Variants in ASAP2 observed in about 807,000 individuals in gnomAD.
The protein encoded by ASAP2 is ArfGAP with SH3 domain, ankyrin repeat and PH domain 2.
In ASAP2, 45 loss-of-function variants were observed where a neutral mutation model predicts 131.4. The ratio of observed to expected loss-of-function variants is 0.34; its 90% confidence interval spans 0.27 to 0.44. The LOEUF (loss-of-function observed/expected upper bound fraction) is 0.44. Ranked by LOEUF, ASAP2 falls within the 20% of genes least tolerant of loss-of-function variation. The probability of loss-of-function intolerance (pLI) is 1.00; values close to 1 mark genes in which losing one functional copy is unlikely to be tolerated. For synonymous variants in ASAP2, 510 were observed against 503.0 expected, an observed-to-expected ratio of 1.01 and a Z score of -0.19; for missense variants, 1,011 against 1,297.0, an observed-to-expected ratio of 0.78 and a Z score of 3.39.
chr2:9,208,044 G>T (rs1036653131), intron 1 of ASAP2, among the ~76,000 whole-genome samples: 4 of 152,356 alleles, frequency 2.6e-5, no homozygotes, highest in African/African-American at 9.6e-5. Context: ...AAGCCGTGGG[G>T]AAAGGGGCAG....
At chr2:9,212,599 A>G (rs1462692887) in intron 1 of ASAP2, among the ~76,000 whole-genome samples, 1 of 152,112 alleles carries the variant, frequency 6.6e-6, no homozygotes, top group East Asian at 1.9e-4. Flanking sequence ...GTGATCCTCA[A>G]TTCTTCCCAT....
At chr2:9,248,463 G>A (rs899158626) in intron 1 of ASAP2, among the ~76,000 whole-genome samples, 3 of 151,800 alleles carry the variant, frequency 2.0e-5, no homozygotes, top group Admixed American at 6.6e-5. Flanking sequence ...GATAGAACAC[G>A]GGCTTTGGAG....
At chr2:9,240,352 C>T (rs1026992680) in intron 1 of ASAP2, among the ~76,000 whole-genome samples, 1 of 151,522 alleles carries the variant, frequency 6.6e-6, no homozygotes, top group Non-Finnish European at 1.5e-5. Flanking sequence ...TTCCTGGGCC[C>T]AGGTGATCCT....
intron 1 of ASAP2, among the ~76,000 whole-genome samples, chr2:9,264,169 G>C (rs373171418): frequency 6.8e-6 from 1 of 147,212 alleles, no homozygotes; most frequent in East Asian, 1.9e-4. Context: ...TCCACCCTGG[G>C]CAGTGAGTGA....
chr2:9,208,057 T>C (rs74478195), intron 1 of ASAP2, among the ~76,000 whole-genome samples: 98 of 152,050 alleles, frequency 6.4e-4, no homozygotes, highest in African/African-American at 2.3e-3. Context: ...AGGGGCAGAG[T>C]CTGTGAGTCC....
chr2:9,304,738 G>T (rs551513969), intron 3 of ASAP2, among the ~76,000 whole-genome samples: 41 of 129,774 alleles, frequency 3.2e-4, no homozygotes, highest in Non-Finnish European at 5.4e-4. Flanking sequence ...TGGGGTATAG[G>T]TATTGGTGGA....
In ASAP2 at chr2:9,405,186, T is replaced by C. The variant is rs1677111871; in HGVS notation, c.*1859T>C. On this transcript the variant is annotated 3_prime_UTR_variant, in exon 28 of 28. Coordinates refer to ENST00000281419, the MANE Select transcript of ASAP2 (RefSeq NM_003887.3). ...TTTCCAGTCTACAATTTGGTGCTAT[T>C]GTGCAGTAACTAATAGTACTCTTAC... is the stretch of plus-strand genomic sequence containing the variant. The C allele has an allele frequency of 6.6e-6, 1 of 152,250 alleles. No individual in the cohort carries two copies. The highest frequency in any genetic ancestry group is 2.1e-4 in the South Asian group (1 of 4,834). The allele number at this position is 152,250 out of a possible 1,614,324, so 9.4% of individuals were successfully genotyped here. A position where few individuals can be genotyped will look rare whatever the true frequency, so the allele number is the denominator to read the frequency against.
rs1336017163 is a variant in ASAP2, at chr2:9,400,841, A to G, written c.2823+11A>G. ...AGGAAGTCGCAGGCAGTAAGTGACG[A>G]GCCCCCTTTCCTGCCTCTCTGCTCT... On this transcript the variant is annotated intron_variant, in intron 26 of 27. Transcript: ENST00000281419. The G allele has an allele frequency of 6.2e-7, 1 of 1,611,532 alleles. No homozygotes were observed. The highest frequency in any genetic ancestry group is 1.7e-5 in the Admixed American group (1 of 59,998).
intron 1 of ASAP2, among the ~76,000 whole-genome samples, chr2:9,209,675 T>G (rs529892905): frequency 1.3e-5 from 2 of 152,398 alleles, no homozygotes; most frequent in African/African-American, 4.8e-5. Context: ...GTTCAAGCGA[T>G]TCTCCTGCCT....
chr2:9,267,288 C>G (rs936145962), intron 1 of ASAP2, among the ~76,000 whole-genome samples: 4 of 152,156 alleles, frequency 2.6e-5, no homozygotes, highest in Non-Finnish European at 5.9e-5. Flanking sequence ...TTTTCAGCCT[C>G]TCTCCACATC....
At chr2:9,236,911 G>C (rs1663593128) in intron 1 of ASAP2, among the ~76,000 whole-genome samples, 1 of 152,170 alleles carries the variant, frequency 6.6e-6, no homozygotes, top group African/African-American at 2.4e-5. Flanking sequence ...GGCAATATCT[G>C]AGTGTCAGAA....
intron 7 of ASAP2, among the ~76,000 whole-genome samples, chr2:9,334,258 C>T (rs1052853614): frequency 6.7e-6 from 1 of 149,524 alleles, no homozygotes; most frequent in African/African-American, 2.5e-5. Flanking sequence ...CTATGTTGGC[C>T]AGCTGGTCTG....
At chr2:9,309,273 G>A (rs141513917) in intron 3 of ASAP2, among the ~76,000 whole-genome samples, 1 of 152,308 alleles carries the variant, frequency 6.6e-6, no homozygotes, top group Non-Finnish European at 1.5e-5. Flanking sequence ...CCATATGATG[G>A]AACAGTGCTG....
At chr2:9,381,603 G>A (rs930397989) in intron 20 of ASAP2, among the ~76,000 whole-genome samples, 1 of 152,198 alleles carries the variant, frequency 6.6e-6, no homozygotes, top group South Asian at 2.1e-4. Flanking sequence ...ACGCATGGTG[G>A]AGCATGCCTG....
At chr2:9,337,852 C>G (rs1005910506) in intron 9 of ASAP2, among the ~76,000 whole-genome samples, 1 of 152,102 alleles carries the variant, frequency 6.6e-6, no homozygotes, top group Non-Finnish European at 1.5e-5. Context: ...TTTGGTATTT[C>G]CATTATTTTT....
chr2:9,233,487 T>C (rs928644167), intron 1 of ASAP2, among the ~76,000 whole-genome samples: 2 of 152,228 alleles, frequency 1.3e-5, no homozygotes, highest in Admixed American at 1.3e-4. Flanking sequence ...ACAAAAGTTG[T>C]ATGGTGGCTT....
chr2:9,393,588 GC>G lies in ASAP2; in HGVS notation c.2630del (p.Pro877HisfsTer26). On this transcript the variant is annotated frameshift_variant, in exon 24 of 28. Coordinates refer to ENST00000281419, the MANE Select transcript of ASAP2 (RefSeq NM_003887.3). LOFTEE classifies it high-confidence loss of function. ...CCCCGCCTGGGATCTCACAGATCAGGCCCCCACCTCTGCCCCCACAGCCGCC... is the reference window on the plus strand; with the variant it reads ...CCCCGCCTGGGATCTCACAGATCAGGCCCCACCTCTGCCCCCACAGCCGCC... Reference protein sequence around the residue: ...PAPPGISQIRPPPLPPQPPSR... With the variant: ...PAPPGISQIRXPPLPPQPPSR... 1.3e-6 allele frequency: 2 copies of G among 1,595,546 alleles called. No individual in the cohort carries two copies. Among genetic ancestry groups the G allele is most frequent in the Non-Finnish European group, 8.5e-7 (1 of 1,172,696 alleles).
At chr2:9,380,514 T>G (rs1242799494) in intron 19 of ASAP2, among the ~76,000 whole-genome samples, 1 of 152,232 alleles carries the variant, frequency 6.6e-6, no homozygotes, top group African/African-American at 2.4e-5. Context: ...AGTTTCTTGA[T>G]TAGTTCAAAC....
intron 1 of ASAP2, among the ~76,000 whole-genome samples, chr2:9,214,265 T>G (rs1413836359): frequency 6.6e-6 from 1 of 152,044 alleles, no homozygotes; most frequent in Non-Finnish European, 1.5e-5. Flanking sequence ...TGAGGTGGAG[T>G]CTTGCTCGGT....
Sources: allele counts gnomAD v4.1 joint callset (sites outside exome capture counted in the v4.1 genomes callset), GRCh38; gene constraint gnomAD v4.1.1; transcripts MANE v1.5; gene names NCBI Gene and HGNC (gene_info 2026-07-23, HGNC 2026-07-21).